The following IKZF4 variants were observed in gnomAD, a reference collection of about 807,000 sequenced individuals.
IKZF4 encodes the protein IKAROS family zinc finger 4, also known as zinc finger protein Eos.
Under a neutral mutation model 47.7 loss-of-function variants are expected in IKZF4, and 11 were observed. The ratio of observed to expected loss-of-function variants is 0.23; its 90% CI spans 0.15 to 0.38. The LOEUF (loss-of-function observed/expected upper bound fraction) is 0.38, where lower values mean the gene tolerates loss of function less well. IKZF4 is among the 10% of genes least tolerant of loss of function. IKZF4 has a pLI of 1.00. For missense variants in IKZF4, 557 were observed against 784.9 expected, an observed-to-expected ratio of 0.71 and a Z score of 3.47; for synonymous variants, 298 against 299.4, an observed-to-expected ratio of 1.00 and a Z score of 0.05.
chr12:56,032,108 A>G (rs964994955), intron 5 of IKZF4, among the ~76,000 whole-genome samples: 4 of 152,130 alleles, frequency 2.6e-5, no homozygotes, highest in African/African-American at 9.7e-5. Flanking sequence ...ACCAAAGCAG[A>G]TAGTTCATAA....
chr12:56,027,137 G>T, intron 4 of IKZF4, 96 bp downstream of exon 4: 1 of 1,226,962 alleles, frequency 8.2e-7, no homozygotes, highest in Non-Finnish European at 1.1e-6. Flanking sequence ...GCTGGAGGAG[G>T]TCATGCAGGG....
In IKZF4 at chr12:56,014,161, A is replaced by C. The variant is rs528836735; in HGVS notation, c.-214+2667A>C. ...ACAGATCGAGACTCCGTCTCAAAAA[A>C]AAAAAAAAAAGAAAAGAAAAGAAAC... On this transcript the variant is annotated intron_variant, in intron 2 of 11. Coordinates refer to the IKZF4 transcript ENST00000262032. Among the ~76,000 whole-genome samples, 7 of 151,948 alleles carry C rather than the reference A, an allele frequency of 4.6e-5. No individual in the cohort carries two copies. In the South Asian group the frequency reaches 1.2e-3, roughly 27 times the overall value.
At chr12:56,015,394 T>C (rs1891899929) in intron 2 of IKZF4, among the ~76,000 whole-genome samples, 1 of 151,622 alleles carries the variant, frequency 6.6e-6, no homozygotes, top group Non-Finnish European at 1.5e-5. Flanking sequence ...ACTTTGAACT[T>C]TGCATTCTTT....
In IKZF4 at chr12:56,033,264, G is replaced by A. The variant is rs755443976; in HGVS notation, c.940G>A (p.Asp314Asn). ...ATCCTCTGAGCGGCCAACTTTCATC[G>A]ATCGTCTGGCCAATAGCCTCACCAA... ...HSSSERPTFI[D>N]RLANSLTKRK... Residue 314 changes from aspartate (D) to asparagine (N), a missense_variant, in exon 7 of 8, where the codon GAT (aspartate) becomes AAT (asparagine). Coordinates refer to ENST00000547167, the MANE Select transcript of IKZF4 (RefSeq NM_022465.4). The A allele has an allele frequency of 1.1e-5, 17 of 1,613,992 alleles. No individual in the cohort carries two copies. Among genetic ancestry groups the A allele is most frequent in the Non-Finnish European group, 1.2e-5 (14 of 1,179,894 alleles).
intron 1 of IKZF4, among the ~76,000 whole-genome samples, chr12:56,008,372 A>G (rs1890948565): frequency 6.6e-6 from 1 of 152,156 alleles, no homozygotes; most frequent in Non-Finnish European, 1.5e-5. Context: ...GCAGACATCC[A>G]GACGGGAGCT....
upstream of IKZF4, among the ~76,000 whole-genome samples, chr12:56,016,424 C>CTTTTTTTT (rs1316176573): frequency 7.5e-6 from 1 of 132,898 alleles, no homozygotes; most frequent in African/African-American, 2.8e-5. Context: ...TTTTTCTTTT[C>CTTTTTTTT]TTTTTTTTTT....
chr12:56,013,647 G>A (rs1033072223), intron 2 of IKZF4, among the ~76,000 whole-genome samples: 2 of 152,182 alleles, frequency 1.3e-5, no homozygotes, highest in Non-Finnish European at 2.9e-5. Flanking sequence ...CTAAGGAGAC[G>A]CTAAGATCTG....
In IKZF4 at chr12:56,034,914, A is replaced by C; in HGVS notation, c.1341A>C (p.Ala447=). The C allele has an allele frequency of 6.3e-7, 1 of 1,598,100 alleles. No individual in the cohort carries two copies. Among genetic ancestry groups the C allele is most frequent in the Non-Finnish European group, 8.5e-7 (1 of 1,170,294 alleles). The change falls in exon 8 of 8, where the codon GCA becomes GCC. Residue 447 remains alanine (A), a synonymous_variant. Transcript: ENST00000547167. The part of the protein sequence containing the change: ...RPRGPLTDPG[A]SPSNGCQDST... ...GAGGCCCCCTGACTGACCCTGGGGC[A>C]TCCCCCAGCAATGGCTGCCAGGACT... is the stretch of plus-strand genomic sequence containing the variant.
At chr12:56,032,818 C>A in intron 6 of IKZF4, 108 bp downstream of exon 6, 1 of 1,280,244 alleles carries the variant, frequency 7.8e-7, no homozygotes, top group Non-Finnish European at 1.1e-6. Flanking sequence ...GTCTGTGGAA[C>A]AGGGGATGAT....
At chr12:56,013,934 T>C (rs934162055) in intron 2 of IKZF4, among the ~76,000 whole-genome samples, 1 of 152,162 alleles carries the variant, frequency 6.6e-6, no homozygotes, top group African/African-American at 2.4e-5. Flanking sequence ...GCAGATTACC[T>C]GAGGTCAGGA....
At chr12:56,022,672 C>T (rs545844261) in intron 1 of IKZF4, among the ~76,000 whole-genome samples, 1 of 152,230 alleles carries the variant, frequency 6.6e-6, no homozygotes, top group African/African-American at 2.4e-5. Context: ...TTTCCCCTTA[C>T]CTTAATCTTA....
At position 56,033,268 on chromosome 12, in the gene IKZF4, G is replaced by A. The variant is rs779316014; in HGVS notation, c.944G>A (p.Arg315His). 8 of 1,613,866 alleles carry A rather than the reference G, an allele frequency of 5.0e-6. No individual in the cohort carries two copies. The highest frequency in any genetic ancestry group is 2.2e-5 in the East Asian group (1 of 44,890). ...SSSERPTFID[R>H]LANSLTKRKR... ...TCTGAGCGGCCAACTTTCATCGATC[G>A]TCTGGCCAATAGCCTCACCAAACGC... is the stretch of plus-strand genomic sequence containing the variant. The change falls in exon 7 of 8, where the codon CGT becomes CAT. Residue 315 changes from arginine to histidine, a missense_variant. Around this residue, in one of 6 missense-constraint regions of IKZF4, gnomAD observed 280 missense variants for 314.0 expected, o/e 0.89. Coordinates refer to ENST00000547167, the MANE Select transcript of IKZF4 (RefSeq NM_022465.4).
At chr12:56,029,345 T>C (rs1432288230) in intron 5 of IKZF4, among the ~76,000 whole-genome samples, 2 of 152,188 alleles carry the variant, frequency 1.3e-5, no homozygotes, top group East Asian at 3.8e-4. Context: ...GGCATTTTAC[T>C]AAGCTTTAGG....
chr12:56,026,758 C>T, intron 3 of IKZF4, 23 bp from the exon 4 acceptor site: 1 of 1,509,846 alleles, frequency 6.6e-7, no homozygotes, highest in Non-Finnish European at 8.9e-7. Context: ...TCTCTCTATT[C>T]TAAACACCAT....
chr12:56,030,095 T>C (rs1156488371), intron 5 of IKZF4, among the ~76,000 whole-genome samples: 1 of 152,152 alleles, frequency 6.6e-6, no homozygotes, highest in East Asian at 1.9e-4. Context: ...CTCACTCATG[T>C]GGGAGCTAAA....
rs538324771 is a variant in IKZF4, at chr12:56,010,687, T to C, written c.-291-730T>C. ...TGTTCCAGTGGAAAGAATCTTCTAA[T>C]GGTAACTTGGACTCTACATGTCCTA... On this transcript the variant is annotated intron_variant, in intron 1 of 11. Transcript: ENST00000262032. 1.4e-4 allele frequency: 21 copies of C among 152,272 alleles called. 1 individual carries two copies. The highest frequency in any genetic ancestry group is 1.2e-3 in the Admixed American group (19 of 15,296). The allele number at this position is 152,272 out of a possible 1,614,324, so 9.4% of individuals were successfully genotyped here. A position where few individuals can be genotyped will look rare whatever the true frequency, so the allele number is the denominator to read the frequency against.
At chr12:56,020,898 G>A (rs1299179603), upstream of IKZF4, 59 of 989,024 alleles carry the variant, frequency 6.0e-5, no homozygotes, top group Non-Finnish European at 6.6e-5. Context: ...GCCTCTCTGA[G>A]AGCCTTGAAG....
chr12:56,009,347 A>G (rs1270149930), intron 1 of IKZF4, among the ~76,000 whole-genome samples: 1 of 152,248 alleles, frequency 6.6e-6, no homozygotes, highest in African/African-American at 2.4e-5. Flanking sequence ...ACAAGGCCAG[A>G]TAAAAGGCCA....
intron 2 of IKZF4, among the ~76,000 whole-genome samples, chr12:56,012,146 G>T (rs1891397198): frequency 6.6e-6 from 1 of 151,882 alleles, no homozygotes; most frequent in South Asian, 2.1e-4. Context: ...GCCTGTTATA[G>T]TTTGGGAATA....
Sources: gnomAD v4.1 joint callset for allele counts (sites outside exome capture counted in the v4.1 genomes callset) on GRCh38, gnomAD v4.1.1 for gene constraint, gnomAD v4.1.1 regional missense constraint, MANE v1.5 for transcripts, NCBI Gene and HGNC (gene_info 2026-07-23, HGNC 2026-07-21) for gene names.